Variants in PHLPP1 observed in about 807,000 individuals in gnomAD.
PHLPP1 encodes the protein PH domain leucine-rich repeat-containing protein phosphatase 1.
PHLPP1 carries 42 observed loss-of-function variants against 117.2 expected under a neutral mutation model. That is an observed-to-expected ratio of 0.36 (90% CI 0.28 to 0.46). PHLPP1 has a LOEUF of 0.46. Ranked by LOEUF, PHLPP1 falls within the 20% of genes least tolerant of loss-of-function variation. The probability of loss-of-function intolerance (pLI) is 1.00; values close to 1 mark genes in which losing one functional copy is unlikely to be tolerated. For synonymous variants in PHLPP1, 1,042 were observed against 970.7 expected (o/e 1.07, Z -1.37); for missense variants, 2,084 against 2,241.9 (o/e 0.93, Z 1.42).
chr18:62,943,371 C>A (rs1436625129), intron 11 of PHLPP1, among the ~76,000 whole-genome samples: 1 of 152,162 alleles, frequency 6.6e-6, no homozygotes, highest in African/African-American at 2.4e-5. Context: ...AAGAACGGGA[C>A]CACCATCTAG....
intron 4 of PHLPP1, among the ~76,000 whole-genome samples, chr18:62,887,262 T>A (rs1359722712): frequency 6.6e-6 from 1 of 152,198 alleles, no homozygotes; most frequent in Non-Finnish European, 1.5e-5. Flanking sequence ...GCAGTAGTCA[T>A]ACAGTTTCTC....
At chr18:62,737,361 A>G (rs975424347) in intron 1 of PHLPP1, among the ~76,000 whole-genome samples, 3 of 152,228 alleles carry the variant, frequency 2.0e-5, no homozygotes, top group African/African-American at 4.8e-5. Context: ...AAGGCCTCAC[A>G]TGCTAAGGAC....
chr18:62,902,868 G>T, intron 6 of PHLPP1, 96 bp from the exon 7 acceptor site: 1 of 734,114 alleles, frequency 1.4e-6, no homozygotes, highest in South Asian at 1.7e-5. Context: ...AATACAGAGA[G>T]AACTGAGTTC....
At chr18:62,966,034 A>G (rs923598645) in intron 14 of PHLPP1, among the ~76,000 whole-genome samples, 2 of 152,134 alleles carry the variant, frequency 1.3e-5, no homozygotes, top group Non-Finnish European at 2.9e-5. Context: ...AAGAATTTCA[A>G]AGGATTGAGA....
intron 1 of PHLPP1, among the ~76,000 whole-genome samples, chr18:62,736,213 A>G (rs1199070940): frequency 6.6e-6 from 1 of 152,184 alleles, no homozygotes; most frequent in Non-Finnish European, 1.5e-5. Flanking sequence ...GACCAGCACC[A>G]TCAGCCTCTC....
chr18:62,963,306 G>A, intron 13 of PHLPP1, 62 bp from the exon 14 acceptor site: 1 of 1,067,154 alleles, frequency 9.4e-7, no homozygotes, highest in Non-Finnish European at 1.4e-6. Flanking sequence ...CTTGGATAAA[G>A]GTAGCAATTT....
intron 2 of PHLPP1, among the ~76,000 whole-genome samples, chr18:62,832,626 A>G (rs188490981): frequency 6.6e-6 from 1 of 152,364 alleles, no homozygotes; most frequent in African/African-American, 2.4e-5. Context: ...CCTGTTTTAT[A>G]CTATGCCTTT....
chr18:62,766,076 A>AAAATATATAT lies in PHLPP1; in HGVS notation c.1576+48818_1576+48819insAATATATATA. On this transcript the variant is annotated intron_variant, in intron 1 of 16. Transcript: ENST00000262719. ...ACTCCATCTCAAAAAAAAAAAAAAA[A>AAAATATATAT]ATATATATATATATATATATATATA... Among the ~76,000 whole-genome samples, 21 of 21,650 alleles carry AAAATATATAT rather than the reference A, an allele frequency of 9.7e-4. 1 individual carries two copies. The highest frequency in any genetic ancestry group is 2.7e-3 in the African/African-American group (18 of 6,712). 14.2% of individuals were successfully genotyped at this position (21,650 alleles called of 152,430 possible).
At chr18:62,853,184 C>T (rs1426573890) in intron 3 of PHLPP1, among the ~76,000 whole-genome samples, 1 of 152,030 alleles carries the variant, frequency 6.6e-6, no homozygotes, top group Admixed American at 6.6e-5. Flanking sequence ...CAAATGAACC[C>T]TCCTTCCCTT....
rs536463014 is a variant in PHLPP1 at position 62,794,562 on chromosome 18, A to G, written c.1577-35473A>G. On this transcript the variant is annotated intron_variant, in intron 1 of 16. Transcript: ENST00000262719. ...TTTGATTTTTTTTCTTTTTTTAGAG[A>G]TAGGATCTTGCTGTGTTGTCAAGGT... 1.8e-4 allele frequency among the ~76,000 whole-genome samples: 27 copies of G among 152,126 alleles called. No individual in the cohort carries two copies. The South Asian group carries it at 5.2e-3, about 29-fold the overall frequency.
chr18:62,808,513 A>G (rs1477062447), intron 1 of PHLPP1, among the ~76,000 whole-genome samples: 1 of 151,846 alleles, frequency 6.6e-6, no homozygotes, highest in Non-Finnish European at 1.5e-5. Flanking sequence ...GTACTTGTCT[A>G]AAATAGTCAC....
Position 62,979,598 on chromosome 18 carries a change from T to G in PHLPP1, c.*167T>G, listed in dbSNP as rs1349069356. The G allele has an allele frequency of 1.4e-6, 1 of 703,660 alleles. No individual in the cohort carries two copies. Among genetic ancestry groups the G allele is most frequent in the African/African-American group, 1.8e-5 (1 of 55,654 alleles). 43.6% of individuals were successfully genotyped at this position (703,660 alleles called of 1,614,324 possible). A position where few individuals can be genotyped will look rare whatever the true frequency, so the allele number is the denominator to read the frequency against. ...GGTTCTCTTTCTTTGGGTTATTTTT[T>G]TAAGTAATCACCACTTTCTTCTAGT... is the stretch of plus-strand genomic sequence containing the variant. On this transcript the variant is annotated 3_prime_UTR_variant, in exon 17 of 17. Transcript: ENST00000262719.
Position 62,716,676 on chromosome 18 carries a change from G to A in PHLPP1, c.993G>A (p.Gly331=). The part of the protein sequence containing the change: ...SDSSPGEPFV[G]GPVSSPRAPR... ...CCAGCCCCGGCGAGCCGTTCGTTGG[G>A]GGCCCTGTCTCTTCGCCCCGCGCCC... is the stretch of plus-strand genomic sequence containing the variant. Residue 331 remains glycine, a synonymous_variant, in exon 1 of 17, where the codon GGG becomes GGA. Transcript: ENST00000262719. The surrounding 1 kb of genome is among the most constrained non-coding windows in gnomAD (Gnocchi z 5.7). 3 of 1,456,180 alleles carry A rather than the reference G, an allele frequency of 2.1e-6. No homozygotes were observed. The highest frequency in any genetic ancestry group is 1.8e-6 in the Non-Finnish European group (2 of 1,106,290). The allele number at this position is 1,456,180 out of a possible 1,614,324, so 90.2% of individuals were successfully genotyped here.
chr18:62,915,740 T>C (rs1195548514), intron 9 of PHLPP1, among the ~76,000 whole-genome samples: 1 of 152,214 alleles, frequency 6.6e-6, no homozygotes, highest in African/African-American at 2.4e-5. Flanking sequence ...TCTGTGATGA[T>C]TGAAGTGCTC....
chr18:62,972,132 A>G (rs1954374294), intron 14 of PHLPP1, among the ~76,000 whole-genome samples: 1 of 152,100 alleles, frequency 6.6e-6, no homozygotes, highest in South Asian at 2.1e-4. Context: ...TATTTTTCCC[A>G]GTGTTTTAGT....
chr18:62,809,546 A>T (rs563266086), intron 1 of PHLPP1, among the ~76,000 whole-genome samples: 1 of 152,170 alleles, frequency 6.6e-6, no homozygotes, highest in African/African-American at 2.4e-5. Flanking sequence ...TAAAAATACG[A>T]AAAAAATTAG....
At chr18:62,750,319 C>T (rs1911805515) in intron 1 of PHLPP1, among the ~76,000 whole-genome samples, 1 of 152,116 alleles carries the variant, frequency 6.6e-6, no homozygotes, top group Non-Finnish European at 1.5e-5. Context: ...CCTCATGAGG[C>T]TTTCACCTAG....
chr18:62,912,901 A>G (rs1438036463), intron 8 of PHLPP1, among the ~76,000 whole-genome samples: 1 of 152,236 alleles, frequency 6.6e-6, no homozygotes, highest in African/African-American at 2.4e-5. Flanking sequence ...GATTATAGGC[A>G]TGAACCACCA....
chr18:62,835,107 A>G (rs1914855016), intron 2 of PHLPP1, among the ~76,000 whole-genome samples: 1 of 152,052 alleles, frequency 6.6e-6, no homozygotes, highest in African/African-American at 2.4e-5. Flanking sequence ...TCAAATGATG[A>G]CAGGTTTCTT....
Sources: allele counts gnomAD v4.1 joint callset (sites outside exome capture counted in the v4.1 genomes callset), GRCh38; gene constraint gnomAD v4.1.1; non-coding constraint Gnocchi (gnomAD v3.1); transcripts MANE v1.5; gene names NCBI Gene and HGNC (gene_info 2026-07-23, HGNC 2026-07-21).